Variants in PDHX observed in about 807,000 individuals in gnomAD.
The protein encoded by PDHX is pyruvate dehydrogenase protein X component, mitochondrial.
Under a neutral mutation model 55.3 loss-of-function variants are expected in PDHX, and 33 were observed. The ratio of observed to expected loss-of-function variants is 0.60; its 90% CI spans 0.45 to 0.80. PDHX has a LOEUF of 0.80. PDHX is among the 30% of genes least tolerant of loss of function. PDHX has a pLI of 0.00. For synonymous variants in PDHX, 226 were observed against 219.4 expected (o/e 1.03, Z -0.27); for missense variants, 622 against 619.9 (o/e 1.00, Z -0.04).
At chr11:34,916,938 T>A in intron 1 of PDHX, 123 bp downstream of exon 1, 2 of 988,248 alleles carry the variant, frequency 2.0e-6, no homozygotes, top group Non-Finnish European at 3.1e-6. Context: ...TTCCCTTTCC[T>A]CTTTCTCCGG....
At position 34,931,414 on chromosome 11, in the gene PDHX, T is replaced by G. The variant is rs1343237658; in HGVS notation, c.171T>G (p.Ile57Met). 5.0e-6 allele frequency: 8 copies of G among 1,595,026 alleles called. No homozygotes were observed. The South Asian group carries it at 8.9e-5, about 18-fold the overall frequency. ...HSTQWLRGDP[I>M]KILMPSLSPT... is the part of the protein sequence containing the mutation. ...TTTTTTCAATTTCAGGTGATCCCATTAAGATACTAATGCCATCACTGTCTC... is the reference window on the plus strand; with the variant it reads ...TTTTTTCAATTTCAGGTGATCCCATGAAGATACTAATGCCATCACTGTCTC... The change falls in exon 2 of 11, where the codon ATT becomes ATG. Residue 57 changes from isoleucine to methionine, a missense_variant. Physicochemically the swap from Ile to Met is conservative, Grantham distance 10. Transcript: ENST00000227868.
chr11:34,957,222 G>A (rs909874442), intron 3 of PDHX, among the ~76,000 whole-genome samples, 162 bp from the exon 4 acceptor site: 2 of 152,254 alleles, frequency 1.3e-5, no homozygotes, highest in African/African-American at 4.8e-5. Context: ...GTGGGAGAAA[G>A]TGGAGAAGGT....
At chr11:34,988,593 C>G (rs2134002519) in intron 9 of PDHX, among the ~76,000 whole-genome samples, 1 of 150,828 alleles carries the variant, frequency 6.6e-6, no homozygotes, top group African/African-American at 2.4e-5. Context: ...AGAAGCAGCT[C>G]CTGGATTTTC....
chr11:34,985,713 C>T (rs1055134142), intron 9 of PDHX, among the ~76,000 whole-genome samples: 1 of 151,966 alleles, frequency 6.6e-6, no homozygotes, highest in Non-Finnish European at 1.5e-5. Flanking sequence ...TTGCCAAGGA[C>T]CTGTTGTATG....
At chr11:34,987,875 G>A (rs754192703) in intron 9 of PDHX, among the ~76,000 whole-genome samples, 1 of 152,086 alleles carries the variant, frequency 6.6e-6, no homozygotes. Flanking sequence ...GTATAGTAGT[G>A]AGTCACCTTT....
rs542036741 is a variant in PDHX, at chr11:34,950,644, T to A, written c.342+3038T>A. Among the ~76,000 whole-genome samples the A allele has an allele frequency of 3.8e-3, 581 of 151,708 alleles. 4 individuals carry two copies. Among genetic ancestry groups the A allele is most frequent in the Admixed American group, 9.5e-3 (145 of 15,242 alleles). ...TTCGGTGTTTGGTTTTTTGTCCTTGTGATAGTTTACTGAGAATGATGATTT... is the reference window on the plus strand; with the variant it reads ...TTCGGTGTTTGGTTTTTTGTCCTTGAGATAGTTTACTGAGAATGATGATTT... On this transcript the variant is annotated intron_variant, in intron 3 of 10. Transcript: ENST00000227868.
intron 1 of PDHX, 101 bp downstream of exon 1, chr11:34,916,916 G>C: frequency 2.6e-6 from 3 of 1,147,824 alleles, no homozygotes; most frequent in Non-Finnish European, 2.5e-6. Flanking sequence ...GTGAAGGTGC[G>C]CGGGCTCCTT....
At chr11:34,957,614 A>C in intron 4 of PDHX, 31 bp downstream of exon 4, 1 of 904,066 alleles carries the variant, frequency 1.1e-6, no homozygotes, top group Non-Finnish European at 1.6e-6. Context: ...AGGATGATGT[A>C]AAAAAAAAAA....
chr11:34,978,955 G>T (rs747960718), intron 8 of PDHX, among the ~76,000 whole-genome samples: 39 of 152,282 alleles, frequency 2.6e-4, no homozygotes, highest in Non-Finnish European at 4.4e-4. Flanking sequence ...TGGGTGCTGT[G>T]TAGAATGTAG....
chr11:34,922,148 G>A (rs564800338), intron 1 of PDHX, among the ~76,000 whole-genome samples: 79 of 152,288 alleles, frequency 5.2e-4, no homozygotes, highest in Admixed American at 2.5e-3. Context: ...GAATTGGGTC[G>A]TATGCCCTTT....
intron 9 of PDHX, among the ~76,000 whole-genome samples, chr11:34,987,717 G>A (rs1855677200): frequency 7.2e-6 from 1 of 138,394 alleles, no homozygotes. Context: ...TATGCACCAA[G>A]TAGAAACCCT....
intron 5 of PDHX, among the ~76,000 whole-genome samples, chr11:34,961,108 CTTATT>C (rs1448281180): frequency 6.6e-5 from 10 of 152,052 alleles, no homozygotes; most frequent in Non-Finnish European, 1.5e-4. Context: ...TTAGTTCATT[CTTATT>C]TTATTATTCT....
At chr11:34,990,641 A>G (rs966954875) in intron 9 of PDHX, among the ~76,000 whole-genome samples, 1 of 152,140 alleles carries the variant, frequency 6.6e-6, no homozygotes, top group Admixed American at 6.6e-5. Flanking sequence ...TGCTTAAGGG[A>G]GGAAAAATGC....
At chr11:34,951,621 G>A (rs958160321) in intron 3 of PDHX, among the ~76,000 whole-genome samples, 21 of 152,106 alleles carry the variant, frequency 1.4e-4, no homozygotes, top group African/African-American at 2.4e-4. Flanking sequence ...AGTACGTTGC[G>A]GAAATTTTCT....
At position 34,995,559 on chromosome 11, in the gene PDHX, GT is replaced by G; in HGVS notation, c.*389del. 3.6e-6 allele frequency: 1 copy of G among 275,084 alleles called. No homozygotes were observed. The highest frequency in any genetic ancestry group is 3.7e-5 in the South Asian group (1 of 26,862). 17.0% of individuals were successfully genotyped at this position (275,084 alleles called of 1,614,324 possible). On this transcript the variant is annotated 3_prime_UTR_variant, in exon 11 of 11. Transcript: ENST00000227868. ...ACTATTAGAACTGTACCATAATTATGTTGAAGGTAGAAGTGATCTTCAAAGA... is the reference window on the plus strand; with the variant it reads ...ACTATTAGAACTGTACCATAATTATGTGAAGGTAGAAGTGATCTTCAAAGA...
intron 2 of PDHX, among the ~76,000 whole-genome samples, chr11:34,945,416 T>A (rs945189251): frequency 6.6e-6 from 1 of 152,188 alleles, no homozygotes; most frequent in African/African-American, 2.4e-5. Context: ...TTTAAAGAGA[T>A]CTTTAATAGG....
At chr11:34,992,993 C>T (rs1275543417) in intron 10 of PDHX, among the ~76,000 whole-genome samples, 9 of 152,120 alleles carry the variant, frequency 5.9e-5, no homozygotes, top group Non-Finnish European at 1.2e-4. Flanking sequence ...CACATTCTTG[C>T]CACTATTTAA....
At chr11:34,957,640 A>T (rs1854935847) in intron 4 of PDHX, 57 bp downstream of exon 4, 1 of 1,342,796 alleles carries the variant, frequency 7.4e-7, no homozygotes, top group Non-Finnish European at 1.1e-6. Flanking sequence ...GGCAGTTCTT[A>T]TGGAATTGTA....
intron 3 of PDHX, among the ~76,000 whole-genome samples, chr11:34,953,610 TACAG>T (rs1402884282): frequency 2.0e-5 from 3 of 152,224 alleles, no homozygotes; most frequent in African/African-American, 4.8e-5. Flanking sequence ...TTTTTTAAAA[TACAG>T]ACACCATCTT....
Sources: gnomAD v4.1 joint callset for allele counts (sites outside exome capture counted in the v4.1 genomes callset) on GRCh38, gnomAD v4.1.1 for gene constraint, MANE v1.5 for transcripts, NCBI Gene and HGNC (gene_info 2026-07-23, HGNC 2026-07-21) for gene names.